The following PPARGC1A variants were observed in gnomAD, a reference collection of about 807,000 sequenced individuals.
PPARGC1A encodes the protein peroxisome proliferator-activated receptor gamma coactivator 1-alpha.
Under a neutral mutation model 88.7 loss-of-function variants are expected in PPARGC1A, and 25 were observed. The ratio of observed to expected loss-of-function variants is 0.28; its 90% CI spans 0.21 to 0.39. The LOEUF is 0.39. PPARGC1A is among the 10% of genes least tolerant of loss of function. The pLI is 1.00. For missense variants in PPARGC1A, 880 were observed against 968.7 expected, an observed-to-expected ratio of 0.91 and a Z score of 1.22; for synonymous variants, 363 against 355.6, an observed-to-expected ratio of 1.02 and a Z score of -0.24.
intron 2 of PPARGC1A, 88 bp downstream of exon 2, chr4:23,884,664 A>C (rs1716554819): frequency 8.7e-7 from 1 of 1,145,354 alleles, no homozygotes; most frequent in Admixed American, 2.6e-5. Context: ...CAAAGTAAGA[A>C]CTCATTATGC....
the PPARGC1A span, among the ~76,000 whole-genome samples, chr4:24,191,971 A>G: frequency 6.6e-6 from 1 of 152,228 alleles, no homozygotes; most frequent in African/African-American, 2.4e-5. Context: ...GATGTGTACA[A>G]CCATACCAAG....
At chr4:24,428,007 C>T in the PPARGC1A span, among the ~76,000 whole-genome samples, 3 of 151,648 alleles carry the variant, frequency 2.0e-5, no homozygotes, top group African/African-American at 2.4e-5. Flanking sequence ...CCCAGCTACT[C>T]GGGAGGCTGA....
the PPARGC1A span, among the ~76,000 whole-genome samples, chr4:24,233,611 CACACACACACAT>C: frequency 3.3e-5 from 4 of 122,888 alleles, no homozygotes; most frequent in Non-Finnish European, 7.2e-5. Context: ...CACACACACA[CACACACACACAT>C]ATACACACCC....
the PPARGC1A span, among the ~76,000 whole-genome samples, chr4:24,065,029 C>CG: frequency 6.6e-6 from 1 of 152,144 alleles, no homozygotes; most frequent in Non-Finnish European, 1.5e-5. Context: ...CACCTTGCAA[C>CG]GAGTTTAGGA....
the PPARGC1A span, among the ~76,000 whole-genome samples, chr4:24,396,185 C>T: frequency 2.6e-5 from 4 of 152,142 alleles, no homozygotes; most frequent in South Asian, 2.1e-4. Flanking sequence ...AGCAGGGTGA[C>T]TCAGTGTGCA....
the PPARGC1A span, among the ~76,000 whole-genome samples, chr4:24,174,464 G>A: frequency 2.0e-5 from 3 of 152,196 alleles, no homozygotes; most frequent in African/African-American, 4.8e-5. Flanking sequence ...GAGAACACTT[G>A]TCTTAGTGGC....
chr4:23,890,131 C>T, upstream of PPARGC1A: 3 of 1,305,804 alleles, frequency 2.3e-6, no homozygotes, highest in Admixed American at 9.5e-5. Context: ...CTGTCACTCA[C>T]CCAGCCTCCC....
the PPARGC1A span, among the ~76,000 whole-genome samples, chr4:24,219,278 GC>G: frequency 2.0e-5 from 3 of 152,234 alleles, no homozygotes; most frequent in South Asian, 2.1e-4. Context: ...CCAGCAGCGT[GC>G]TTTGAACTCT....
the PPARGC1A span, among the ~76,000 whole-genome samples, chr4:24,333,350 T>C: frequency 5.3e-5 from 8 of 152,052 alleles, no homozygotes; most frequent in Non-Finnish European, 1.2e-4. Flanking sequence ...AATTTTTTAA[T>C]CAATGTAATA....
chr4:23,818,798 C>T (rs1417615058), intron 7 of PPARGC1A, among the ~76,000 whole-genome samples: 2 of 147,150 alleles, frequency 1.4e-5, no homozygotes, highest in Admixed American at 6.8e-5. Context: ...ATGGTGAGTC[C>T]CTGGCTCTGT....
intron 2 of PPARGC1A, among the ~76,000 whole-genome samples, chr4:23,838,027 T>C (rs1212964599): frequency 6.6e-6 from 1 of 152,162 alleles, no homozygotes; most frequent in East Asian, 1.9e-4. Flanking sequence ...AATTTAAAAA[T>C]AACAATCCAG....
chr4:23,904,243 T>C (rs533092825), upstream of PPARGC1A, among the ~76,000 whole-genome samples: 2 of 152,238 alleles, frequency 1.3e-5, no homozygotes, highest in Non-Finnish European at 1.5e-5. Flanking sequence ...ATGTACAGTA[T>C]CATGTGCTTT....
At chr4:23,865,129 G>A (rs1195368901) in intron 2 of PPARGC1A, among the ~76,000 whole-genome samples, 1 of 152,152 alleles carries the variant, frequency 6.6e-6, no homozygotes, top group Non-Finnish European at 1.5e-5. Context: ...AGGTTGTAGT[G>A]AACCAAGATC....
chr4:24,243,751 T>C, the PPARGC1A span, among the ~76,000 whole-genome samples: 1 of 152,184 alleles, frequency 6.6e-6, no homozygotes, highest in African/African-American at 2.4e-5. Context: ...AGCCTGGCCC[T>C]TATTTCTAGA....
In PPARGC1A at chr4:23,872,427, C is replaced by T. The variant is rs57932527; in HGVS notation, c.234+12325G>A. 5.1e-3 allele frequency among the ~76,000 whole-genome samples: 779 copies of T among 152,174 alleles called. 5 individuals carry two copies. The highest frequency in any genetic ancestry group is 0.017 in the Middle Eastern group (5 of 294). ...GTCTTCCAACCTCAAATATTCTGTCCCACTGCCCTGCATTTGTTGGGGCAG... is the reference window on the plus strand; with the variant it reads ...GTCTTCCAACCTCAAATATTCTGTCTCACTGCCCTGCATTTGTTGGGGCAG... On this transcript the variant is annotated intron_variant, in intron 2 of 12. Transcript: ENST00000264867.
At chr4:23,964,858 A>G in the PPARGC1A span, among the ~76,000 whole-genome samples, 1 of 152,196 alleles carries the variant, frequency 6.6e-6, no homozygotes, top group African/African-American at 2.4e-5. Flanking sequence ...GAGAGTTTCA[A>G]TAGTCTTGAT....
chr4:23,828,747 C>T, intron 4 of PPARGC1A, 143 bp from the exon 5 acceptor site: 1 of 700,608 alleles, frequency 1.4e-6, no homozygotes, highest in South Asian at 1.9e-5. Flanking sequence ...TAACTGTTTG[C>T]AGAACAAGGA....
At chr4:24,265,680 C>T in the PPARGC1A span, among the ~76,000 whole-genome samples, 4 of 151,928 alleles carry the variant, frequency 2.6e-5, no homozygotes, top group African/African-American at 7.3e-5. Context: ...TTTATATATG[C>T]TGCTTTCCAT....
At chr4:23,960,264 T>G in the PPARGC1A span, among the ~76,000 whole-genome samples, 1 of 152,096 alleles carries the variant, frequency 6.6e-6, no homozygotes, top group African/African-American at 2.4e-5. Context: ...CATTTTTTTG[T>G]TGTGACAACT....
Sources: allele counts gnomAD v4.1 joint callset (sites outside exome capture counted in the v4.1 genomes callset), GRCh38; gene constraint gnomAD v4.1.1; transcripts MANE v1.5; gene names NCBI Gene and HGNC (gene_info 2026-07-23, HGNC 2026-07-21).